CXADR: variants seen among roughly 807,000 people sequenced by gnomAD.
The protein encoded by CXADR is CXADR cell adhesion molecule.
A neutral mutation model predicts 40.3 loss-of-function variants in CXADR; 20 were observed. The ratio of observed to expected loss-of-function variants is 0.50; its 90% CI spans 0.35 to 0.72. CXADR has a LOEUF of 0.72. CXADR is among the 30% of genes least tolerant of loss of function. The probability of loss-of-function intolerance (pLI) is 0.01; values close to 1 mark genes in which losing one functional copy is unlikely to be tolerated. For synonymous variants in CXADR, 150 were observed against 161.3 expected (o/e 0.93, Z 0.53); for missense variants, 332 against 449.1 (o/e 0.74, Z 2.36).
intron 6 of CXADR, among the ~76,000 whole-genome samples, chr21:17,563,027 T>TTCAC (rs990262112): frequency 2.0e-4 from 31 of 152,366 alleles, no homozygotes; most frequent in African/African-American, 7.2e-4. Flanking sequence ...CGTTCACGTG[T>TTCAC]TCACTGGAGT....
At chr21:17,579,474 C>T (rs935361760) in intron 7 of CXADR, among the ~76,000 whole-genome samples, 5 of 151,946 alleles carry the variant, frequency 3.3e-5, no homozygotes, top group South Asian at 2.1e-4. Flanking sequence ...TTAGTAGAGA[C>T]GGGGTTTCAC....
intron 1 of CXADR, among the ~76,000 whole-genome samples, chr21:17,538,236 G>A (rs1194900138): frequency 3.3e-5 from 5 of 151,966 alleles, no homozygotes; most frequent in East Asian, 3.9e-4. Flanking sequence ...TCCTGACCTC[G>A]TGATCCGCCT....
At chr21:17,538,415 G>A (rs2060787054) in intron 1 of CXADR, among the ~76,000 whole-genome samples, 1 of 152,150 alleles carries the variant, frequency 6.6e-6, no homozygotes, top group Admixed American at 6.5e-5. Flanking sequence ...GGTGCTAGAG[G>A]GTGGCTAGTC....
At chr21:17,534,007 AATATAT>A (rs5842646) in intron 1 of CXADR, among the ~76,000 whole-genome samples, 3 of 87,914 alleles carry the variant, frequency 3.4e-5, no homozygotes, top group African/African-American at 1.1e-4. Flanking sequence ...CTTTCTCAGC[AATATAT>A]ATATATATAT....
At chr21:17,593,923 G>T, downstream of CXADR, 1 of 850,754 alleles carries the variant, frequency 1.2e-6, no homozygotes, top group Non-Finnish European at 1.7e-6. Flanking sequence ...AATATCTAAA[G>T]TGCATATATT....
rs2061192766 is a variant in CXADR at position 17,565,443 on chromosome 21, T to A, written c.849T>A (p.Pro283=). 1.2e-6 allele frequency: 2 copies of A among 1,613,832 alleles called. No homozygotes were observed. Among genetic ancestry groups the A allele is most frequent in the Admixed American group, 3.3e-5 (2 of 59,998 alleles). ...VHHDIREDVP[P]PKSRTSTARS... is the part of the protein sequence containing the mutation. Reference sequence around the variant, plus strand: ...TGCTTTGCAGGGAAGATGTGCCACCTCCAAAGAGCCGTACGTCCACTGCCA... The same window carrying A: ...TGCTTTGCAGGGAAGATGTGCCACCACCAAAGAGCCGTACGTCCACTGCCA... The change falls in exon 7 of 7, where the codon CCT becomes CCA. Residue 283 remains proline (P), a synonymous_variant. Coordinates refer to ENST00000284878, the MANE Select transcript of CXADR (RefSeq NM_001338.5).
the CXADR span, among the ~76,000 whole-genome samples, chr21:17,626,467 CA>C: frequency 6.6e-6 from 1 of 151,900 alleles, no homozygotes; most frequent in African/African-American, 2.4e-5. Flanking sequence ...TGGGAATCAA[CA>C]TTTTTTTTTT....
At chr21:17,525,315 A>T (rs925531210) in intron 1 of CXADR, among the ~76,000 whole-genome samples, 18 of 152,236 alleles carry the variant, frequency 1.2e-4, no homozygotes, top group Admixed American at 9.8e-4. Flanking sequence ...AAGAAGAAAC[A>T]ACATAACTAA....
intron 1 of CXADR, among the ~76,000 whole-genome samples, chr21:17,526,963 A>G (rs2060605216): frequency 6.6e-6 from 1 of 152,160 alleles, no homozygotes; most frequent in East Asian, 1.9e-4. Context: ...GGAGTGATAC[A>G]TATTATTCTA....
At chr21:17,604,804 T>A in the CXADR span, 1 of 1,572,652 alleles carries the variant, frequency 6.4e-7, no homozygotes, top group Non-Finnish European at 8.6e-7. Flanking sequence ...TGACAGAATG[T>A]CATAAAATTA....
chr21:17,599,497 G>A, the CXADR span, among the ~76,000 whole-genome samples: 1 of 113,088 alleles, frequency 8.8e-6, no homozygotes, highest in African/African-American at 3.8e-5. Flanking sequence ...TTTTTTTTGA[G>A]ACGGAGTCTC....
At chr21:17,543,569 C>A (rs547467828) in intron 1 of CXADR, among the ~76,000 whole-genome samples, 2 of 151,998 alleles carry the variant, frequency 1.3e-5, no homozygotes, top group African/African-American at 4.8e-5. Context: ...TGAACTATTT[C>A]TTGGTTTGTT....
chr21:17,635,720 A>C, the CXADR span, among the ~76,000 whole-genome samples: 5 of 152,172 alleles, frequency 3.3e-5, no homozygotes, highest in African/African-American at 1.2e-4. Flanking sequence ...CACACACACA[A>C]AATGTCCTCT....
the CXADR span, among the ~76,000 whole-genome samples, chr21:17,602,655 T>C: frequency 6.6e-6 from 1 of 152,194 alleles, no homozygotes; most frequent in South Asian, 2.1e-4. Flanking sequence ...GAGCCAATTT[T>C]TGGCAAATTT....
chr21:17,629,395 A>T, the CXADR span, among the ~76,000 whole-genome samples: 1 of 151,202 alleles, frequency 6.6e-6, no homozygotes, highest in Non-Finnish European at 1.5e-5. Flanking sequence ...CTCAAAAAAA[A>T]AAAAAAAAAA....
At chr21:17,571,177 G>C (rs961417503), downstream of CXADR, among the ~76,000 whole-genome samples, 2 of 152,232 alleles carry the variant, frequency 1.3e-5, no homozygotes, top group Admixed American at 6.5e-5. Context: ...AGAGCACAGG[G>C]CTTAGAGTCA....
intron 5 of CXADR, 138 bp from the exon 6 acceptor site, chr21:17,561,200 C>T (rs1032224820): frequency 3.5e-6 from 2 of 564,754 alleles, no homozygotes; most frequent in Non-Finnish European, 5.8e-6. Context: ...ATGAATTTTT[C>T]CCCCGGATCA....
chr21:17,614,925 G>A, the CXADR span, among the ~76,000 whole-genome samples: 55 of 152,200 alleles, frequency 3.6e-4, no homozygotes, highest in Non-Finnish European at 6.0e-4. Context: ...CTCTTTCCTT[G>A]TGAGTTGGAA....
intron 7 of CXADR, among the ~76,000 whole-genome samples, chr21:17,589,193 G>A (rs2061417948): frequency 6.6e-6 from 1 of 151,842 alleles, no homozygotes; most frequent in Non-Finnish European, 1.5e-5. Flanking sequence ...ATGCACTATT[G>A]CTACCCCATT....
Sources: gnomAD v4.1 joint callset for allele counts (sites outside exome capture counted in the v4.1 genomes callset) on GRCh38, gnomAD v4.1.1 for gene constraint, MANE v1.5 for transcripts, NCBI Gene and HGNC (gene_info 2026-07-23, HGNC 2026-07-21) for gene names.